The following CCDC7 variants were observed in gnomAD, a reference collection of about 807,000 sequenced individuals.
The protein encoded by CCDC7 is coiled-coil domain containing 7, also known as coiled-coil domain-containing protein 7.
A neutral mutation model predicts 196.9 loss-of-function variants in CCDC7; 183 were observed. That is an observed-to-expected ratio of 0.93 (90% CI 0.82 to 1.05). The LOEUF (loss-of-function observed/expected upper bound fraction) is 1.05, where lower values mean the gene tolerates loss of function less well. CCDC7 is among the 50% of genes least tolerant of loss of function. The probability of loss-of-function intolerance (pLI) is 0.00; values close to 1 mark genes in which losing one functional copy is unlikely to be tolerated. For missense variants in CCDC7, 1,540 were observed against 1,482.2 expected (o/e 1.04, Z -0.64); for synonymous variants, 525 against 484.6 (o/e 1.08, Z -1.10).
At chr10:32,861,910 G>T (rs1157258376) in intron 41 of CCDC7, among the ~76,000 whole-genome samples, 2 of 152,108 alleles carry the variant, frequency 1.3e-5, no homozygotes, top group Non-Finnish European at 2.9e-5. Context: ...AAAAAGTCAG[G>T]AAACAACAGA....
intron 21 of CCDC7, among the ~76,000 whole-genome samples, chr10:32,680,089 G>A (rs1266909347): frequency 1.3e-5 from 2 of 152,182 alleles, no homozygotes; most frequent in African/African-American, 2.4e-5. Context: ...TAGATGTACT[G>A]AGTTATTGAA....
At chr10:32,754,088 A>G (rs1221349903) in intron 28 of CCDC7, among the ~76,000 whole-genome samples, 1 of 152,186 alleles carries the variant, frequency 6.6e-6, no homozygotes, top group African/African-American at 2.4e-5. Context: ...ATGTATAACC[A>G]ATGTAATAAA....
At chr10:32,798,647 C>A (rs2084127286) in intron 29 of CCDC7, among the ~76,000 whole-genome samples, 2 of 152,220 alleles carry the variant, frequency 1.3e-5, no homozygotes, top group South Asian at 4.1e-4. Context: ...CCTGACCATC[C>A]AGGCAAACTA....
At chr10:32,729,483 A>C in intron 28 of CCDC7, 26 bp downstream of exon 29, 1 of 1,062,870 alleles carries the variant, frequency 9.4e-7, no homozygotes, top group East Asian at 2.8e-5. Context: ...TAAATCTTAT[A>C]AATTGTTTTT....
At chr10:32,534,761 C>T (rs1478722421) in intron 11 of CCDC7, among the ~76,000 whole-genome samples, 1 of 152,072 alleles carries the variant, frequency 6.6e-6, no homozygotes, top group Non-Finnish European at 1.5e-5. Context: ...CGATGTGGTC[C>T]TGCTGAATAG....
chr10:32,711,188 A>G (rs1407310214), intron 24 of CCDC7, among the ~76,000 whole-genome samples: 4 of 151,858 alleles, frequency 2.6e-5, no homozygotes, highest in Non-Finnish European at 4.4e-5. Flanking sequence ...ATGTGTGTAT[A>G]TATATACATA....
At chr10:32,491,284 G>A (rs1008347699) in intron 8 of CCDC7, among the ~76,000 whole-genome samples, 1 of 152,086 alleles carries the variant, frequency 6.6e-6, no homozygotes, top group Non-Finnish European at 1.5e-5. Flanking sequence ...TGTTTATCTA[G>A]CAGAAAACTT....
intron 5 of CCDC7, among the ~76,000 whole-genome samples, chr10:32,470,243 C>T (rs1006248929): frequency 1.3e-5 from 2 of 152,130 alleles, no homozygotes; most frequent in Non-Finnish European, 2.9e-5. Context: ...TTTTCCCCAA[C>T]TTTTCCTCCT....
chr10:32,767,111 G>A (rs1369030434), intron 28 of CCDC7, among the ~76,000 whole-genome samples: 5 of 152,000 alleles, frequency 3.3e-5, no homozygotes, highest in South Asian at 2.1e-4. Context: ...TGTGGAGAGG[G>A]CACCAAGCCA....
At chr10:32,639,634 T>G (rs2066344372) in intron 20 of CCDC7, among the ~76,000 whole-genome samples, 1 of 151,464 alleles carries the variant, frequency 6.6e-6, no homozygotes, top group Non-Finnish European at 1.5e-5. Context: ...GTTCTGTTTT[T>G]TTTTTTTTTT....
intron 21 of CCDC7, among the ~76,000 whole-genome samples, chr10:32,667,275 T>G (rs1383721771): frequency 6.6e-6 from 1 of 152,222 alleles, no homozygotes; most frequent in Non-Finnish European, 1.5e-5. Context: ...ATTAGCCCTT[T>G]GTCAGATGAG....
intron 24 of CCDC7, among the ~76,000 whole-genome samples, chr10:32,704,769 G>C (rs938384662): frequency 9.9e-5 from 15 of 152,148 alleles, no homozygotes; most frequent in Admixed American, 9.8e-4. Flanking sequence ...TGCTGTGCTA[G>C]CAATGAGTGA....
intron 29 of CCDC7, among the ~76,000 whole-genome samples, chr10:32,794,313 C>A (rs1198209293): frequency 6.6e-6 from 1 of 152,148 alleles, no homozygotes; most frequent in Non-Finnish European, 1.5e-5. Flanking sequence ...TTTCTTTATC[C>A]AGTCCACAGT....
At chr10:32,677,282 G>T (rs533391747) in intron 21 of CCDC7, among the ~76,000 whole-genome samples, 4 of 151,300 alleles carry the variant, frequency 2.6e-5, no homozygotes, top group Admixed American at 2.6e-4. Context: ...GAGTTAATGG[G>T]TGCAGCACAC....
intron 20 of CCDC7, among the ~76,000 whole-genome samples, chr10:32,637,108 C>A (rs2065800260): frequency 6.6e-6 from 1 of 152,100 alleles, no homozygotes; most frequent in Admixed American, 6.6e-5. Context: ...TGTTTGAGTT[C>A]ATTGTAGATT....
intron 28 of CCDC7, among the ~76,000 whole-genome samples, chr10:32,753,275 T>C (rs1164690626): frequency 6.6e-6 from 1 of 152,168 alleles, no homozygotes; most frequent in African/African-American, 2.4e-5. Flanking sequence ...GTTATAGTCA[T>C]ATTCATATTC....
At chr10:32,821,147 C>T (rs572741787) in intron 31 of CCDC7, among the ~76,000 whole-genome samples, 32 of 152,060 alleles carry the variant, frequency 2.1e-4, no homozygotes, top group Non-Finnish European at 2.5e-4. Flanking sequence ...AAAAAGTGGG[C>T]GAAGGATATG....
chr10:32,457,276 T>C (rs2034564902), intron 3 of CCDC7, among the ~76,000 whole-genome samples: 1 of 152,174 alleles, frequency 6.6e-6, no homozygotes, highest in Non-Finnish European at 1.5e-5. Context: ...CTTATTTCTC[T>C]TCATATAATA....
chr10:32,675,615 T>A (rs1387703385), intron 21 of CCDC7: 1 of 152,344 alleles, frequency 6.6e-6, no homozygotes, highest in Admixed American at 6.5e-5. Flanking sequence ...TATTTATACT[T>A]TCATATACTT....
Sources: allele counts gnomAD v4.1 joint callset (sites outside exome capture counted in the v4.1 genomes callset), GRCh38; gene constraint gnomAD v4.1.1; transcripts MANE v1.5; gene names NCBI Gene and HGNC (gene_info 2026-07-23, HGNC 2026-07-21).